NCOA3: variants seen among roughly 807,000 people sequenced by gnomAD.
NCOA3 encodes the protein CBP-interacting protein.
NCOA3 carries 51 observed loss-of-function variants against 158.8 expected under a neutral mutation model. That is an observed-to-expected ratio of 0.32 (90% confidence interval 0.26 to 0.41). The LOEUF (loss-of-function observed/expected upper bound fraction) is 0.41. Ranked by LOEUF, NCOA3 falls within the 10% of genes least tolerant of loss-of-function variation. The pLI is 1.00. For missense variants in NCOA3, 1,510 were observed against 1,746.6 expected, an observed-to-expected ratio of 0.86 and a Z score of 2.41; for synonymous variants, 537 against 592.4, an observed-to-expected ratio of 0.91 and a Z score of 1.36.
At chr20:47,555,278 AG>A (rs2084985198) in intron 1 of NCOA3, among the ~76,000 whole-genome samples, 2 of 152,212 alleles carry the variant, frequency 1.3e-5, no homozygotes, top group African/African-American at 4.8e-5. Flanking sequence ...ATTTGGAAAA[AG>A]GTGTTAATAT....
chr20:47,588,372 C>T (rs2085571195), intron 2 of NCOA3, among the ~76,000 whole-genome samples: 1 of 151,090 alleles, frequency 6.6e-6, no homozygotes, highest in South Asian at 2.1e-4. Context: ...TGAGGTCAGG[C>T]GATCCGCCCG....
At chr20:47,550,896 T>C (rs1324090555) in intron 1 of NCOA3, among the ~76,000 whole-genome samples, 1 of 152,202 alleles carries the variant, frequency 6.6e-6, no homozygotes, top group East Asian at 1.9e-4. Context: ...TATGTTTATG[T>C]TTTGAACAAT....
chr20:47,517,017 GT>G (rs2084244693), intron 1 of NCOA3, among the ~76,000 whole-genome samples: 1 of 152,120 alleles, frequency 6.6e-6, no homozygotes, highest in South Asian at 2.1e-4. Flanking sequence ...GAAGTTAGGA[GT>G]TTGAGACCAG....
intron 1 of NCOA3, among the ~76,000 whole-genome samples, chr20:47,520,453 C>T (rs2084310825): frequency 6.6e-6 from 1 of 152,202 alleles, no homozygotes; most frequent in African/African-American, 2.4e-5. Context: ...ACTCTTTCTT[C>T]CCCTGAGAAG....
In NCOA3 at chr20:47,505,800, CTT is replaced by C. The variant is rs11434305; in HGVS notation, c.-99+3799_-99+3800del. Among the ~76,000 whole-genome samples, 215 of 119,100 alleles carry C rather than the reference CTT, an allele frequency of 1.8e-3. 1 individual carries two copies. Among genetic ancestry groups the C allele is most frequent in the East Asian group, 3.3e-3 (14 of 4,194 alleles). The allele number at this position is 119,100 out of a possible 152,430, so 78.1% of individuals were successfully genotyped here. On this transcript the variant is annotated intron_variant, in intron 1 of 22. Coordinates refer to ENST00000371998, the MANE Select transcript of NCOA3 (RefSeq NM_181659.3). ...TGCAGTAAAATGTAGGCATTTTCTC[CTT>C]TTTTTTTTTTTTTTTTTGAGACAGA... is the stretch of plus-strand genomic sequence containing the variant.
At chr20:47,543,922 G>A (rs2084784633) in intron 1 of NCOA3, among the ~76,000 whole-genome samples, 1 of 152,050 alleles carries the variant, frequency 6.6e-6, no homozygotes, top group African/African-American at 2.4e-5. Flanking sequence ...TAACAAGTTG[G>A]TTTACTAGTA....
chr20:47,602,500 C>A (rs1283617411), intron 2 of NCOA3, among the ~76,000 whole-genome samples: 3 of 152,034 alleles, frequency 2.0e-5, no homozygotes, highest in African/African-American at 4.8e-5. Context: ...TAAAATAACA[C>A]CTTTTGTGGT....
At chr20:47,554,397 A>C (rs1439857830) in intron 1 of NCOA3, among the ~76,000 whole-genome samples, 1 of 151,970 alleles carries the variant, frequency 6.6e-6, no homozygotes, top group African/African-American at 2.4e-5. Flanking sequence ...GAAGCTCTTT[A>C]GTTTAATTAG....
Position 47,639,627 on chromosome 20 carries a change from T to C in NCOA3, c.2758T>C (p.Trp920Arg), listed in dbSNP as rs745333720. The stretch of plus-strand genomic sequence containing the variant: ...GACTCAGACTCCTTCCTCAGGAGAC[T>C]GGGGCTTACCAAACTCAAAGGCCGG... ...TVTQTPSSGD[W>R]GLPNSKAGRM... The change falls in exon 15 of 23, where the codon TGG (tryptophan) becomes CGG (arginine). Residue 920 changes from tryptophan to arginine, a missense_variant. Transcript: ENST00000371998. The C allele has an allele frequency of 6.2e-7, 1 of 1,613,796 alleles. No individual in the cohort carries two copies. Among genetic ancestry groups the C allele is most frequent in the East Asian group, 2.2e-5 (1 of 44,886 alleles).
intron 2 of NCOA3, among the ~76,000 whole-genome samples, chr20:47,588,699 C>CT (rs974854003): frequency 1.1e-4 from 16 of 151,624 alleles, no homozygotes; most frequent in African/African-American, 2.2e-4. Context: ...CTTCCCATTT[C>CT]TTTTTTTTGA....
Position 47,626,993 on chromosome 20 carries a change from C to A in NCOA3, c.358-9C>A. On this transcript the variant is annotated splice_polypyrimidine_tract_variant and intron_variant, in intron 5 of 22. Coordinates refer to ENST00000371998, the MANE Select transcript of NCOA3 (RefSeq NM_181659.3). ...CCATAACAGCCTGTATTAACATATC[C>A]TATTTTAGGCATTGGATGGTTTCCT... The A allele has an allele frequency of 6.2e-7, 1 of 1,606,812 alleles. No homozygotes were observed. The highest frequency in any genetic ancestry group is 8.5e-7 in the Non-Finnish European group (1 of 1,176,198).
intron 2 of NCOA3, among the ~76,000 whole-genome samples, chr20:47,596,120 C>T (rs2085751948): frequency 6.6e-6 from 1 of 152,214 alleles, no homozygotes; most frequent in Non-Finnish European, 1.5e-5. Flanking sequence ...AGTGTACCTG[C>T]TCCCTGAATC....
At chr20:47,633,957 T>A (rs6018604) in intron 9 of NCOA3, 91 bp from the exon 10 acceptor site, 1 of 1,448,886 alleles carries the variant, frequency 6.9e-7, no homozygotes, top group African/African-American at 1.4e-5. Flanking sequence ...TTTTTAGAAA[T>A]GTACTTGAAG....
In NCOA3 at chr20:47,650,856, C is replaced by T. The variant is rs6018622; in HGVS notation, c.3652-126C>T. ...CCAGCCTGGGCGACAGAGTGAGACCCTGTTAAAAAAAAGAAGGCCCTGGGT... is the reference window on the plus strand; with the variant it reads ...CCAGCCTGGGCGACAGAGTGAGACCTTGTTAAAAAAAAGAAGGCCCTGGGT... On this transcript the variant is annotated intron_variant, in intron 19 of 22. Coordinates refer to ENST00000371998, the MANE Select transcript of NCOA3 (RefSeq NM_181659.3). 33 of 894,640 alleles carry T rather than the reference C, an allele frequency of 3.7e-5. 1 individual carries two copies. In the Middle Eastern group the frequency reaches 9.3e-4, roughly 25 times the overall value. 55.4% of individuals were successfully genotyped at this position (894,640 alleles called of 1,614,324 possible).
intron 1 of NCOA3, among the ~76,000 whole-genome samples, chr20:47,565,680 C>T (rs1422563931): frequency 6.6e-6 from 1 of 152,076 alleles, no homozygotes; most frequent in Non-Finnish European, 1.5e-5. Flanking sequence ...CATGCCACTG[C>T]ACTCCAGCCT....
At chr20:47,560,728 C>CT (rs1489736429) in intron 1 of NCOA3, among the ~76,000 whole-genome samples, 1 of 151,978 alleles carries the variant, frequency 6.6e-6, no homozygotes, top group African/African-American at 2.4e-5. Flanking sequence ...TAACTAGTTT[C>CT]TTGTGTTACT....
chr20:47,512,151 G>GAA (rs201066256), intron 1 of NCOA3, among the ~76,000 whole-genome samples: 1 of 147,714 alleles, frequency 6.8e-6, no homozygotes, highest in Admixed American at 6.7e-5. Context: ...CCCATCCTAT[G>GAA]AAAAAAAAAT....
intron 1 of NCOA3, among the ~76,000 whole-genome samples, chr20:47,566,162 A>T (rs1342837590): frequency 1.3e-5 from 2 of 151,976 alleles, no homozygotes; most frequent in Middle Eastern, 6.8e-3. Context: ...ACCTCAAGTG[A>T]TCCACCTGCC....
chr20:47,641,300 C>CA (rs1240936972), intron 16 of NCOA3, among the ~76,000 whole-genome samples: 1 of 150,144 alleles, frequency 6.7e-6, no homozygotes, highest in Non-Finnish European at 1.5e-5. Flanking sequence ...TCTCCAGACT[C>CA]ACGTCAGTGA....
Sources: gnomAD v4.1 joint callset for allele counts (sites outside exome capture counted in the v4.1 genomes callset) on GRCh38, gnomAD v4.1.1 for gene constraint, MANE v1.5 for transcripts, NCBI Gene and HGNC (gene_info 2026-07-23, HGNC 2026-07-21) for gene names.